SBF2: variants seen among roughly 807,000 people sequenced by gnomAD.
SBF2 encodes the protein myotubularin-related protein 13.
Under a neutral mutation model 225.2 loss-of-function variants are expected in SBF2, and 112 were observed. The observed-to-expected ratio is 0.50, with a 90% CI of 0.43 to 0.58. The LOEUF (loss-of-function observed/expected upper bound fraction) is 0.58. Among genes scored for constraint, SBF2 ranks in the 20% least tolerant of loss-of-function variants. SBF2 has a pLI of 0.00. For missense variants in SBF2, 1,996 were observed against 2,206.2 expected, an observed-to-expected ratio of 0.90 and a Z score of 1.91; for synonymous variants, 763 against 773.3, an observed-to-expected ratio of 0.99 and a Z score of 0.22.
chr11:10,197,140 T>C (rs991869386), intron 1 of SBF2, among the ~76,000 whole-genome samples: 5 of 152,088 alleles, frequency 3.3e-5, no homozygotes, highest in Non-Finnish European at 4.4e-5. Context: ...TCTGACAACA[T>C]TTCTTCCTTT....
chr11:10,129,635 ATCT>A (rs767159365), intron 2 of SBF2, among the ~76,000 whole-genome samples: 90 of 152,310 alleles, frequency 5.9e-4, no homozygotes, highest in Non-Finnish European at 9.8e-4. Flanking sequence ...TCAGTTTCTA[ATCT>A]TCTGGGAAGT....
intron 16 of SBF2, among the ~76,000 whole-genome samples, chr11:9,923,081 T>TC (rs1248415319): frequency 6.6e-6 from 1 of 152,100 alleles, no homozygotes; most frequent in Non-Finnish European, 1.5e-5. Context: ...GTGGATCCCC[T>TC]CCTCTTTCTT....
At position 9,790,552 on chromosome 11, in the gene SBF2, C is replaced by A. The variant is rs1852674569; in HGVS notation, c.4698+4G>T. 1.3e-6 allele frequency: 2 copies of A among 1,581,594 alleles called. No individual in the cohort carries two copies. Among genetic ancestry groups the A allele is most frequent in the East Asian group, 2.2e-5 (1 of 44,624 alleles). ...AGTGAAACATAAATGATTTCTTACT[C>A]TACCTCTATTTCCAATGGTGAATAT... On this transcript the variant is annotated splice_donor_region_variant and intron_variant, in intron 34 of 39. Coordinates refer to ENST00000256190, the MANE Select transcript of SBF2 (RefSeq NM_030962.4).
chr11:9,932,343 G>C (rs961921042), intron 16 of SBF2, among the ~76,000 whole-genome samples: 1 of 152,140 alleles, frequency 6.6e-6, no homozygotes, highest in Non-Finnish European at 1.5e-5. Context: ...ATTCATCAAG[G>C]TTGAAATGAA....
intron 2 of SBF2, among the ~76,000 whole-genome samples, chr11:10,111,661 A>G (rs1328879087): frequency 6.6e-6 from 1 of 152,254 alleles, no homozygotes; most frequent in Non-Finnish European, 1.5e-5. Context: ...AGATCACTTG[A>G]GATCAGGAGT....
chr11:9,904,405 AC>A (rs1314864462), intron 16 of SBF2, among the ~76,000 whole-genome samples: 1 of 152,224 alleles, frequency 6.6e-6, no homozygotes, highest in African/African-American at 2.4e-5. Flanking sequence ...GAAAGCTATA[AC>A]AATTTAAATG....
At position 10,169,339 on chromosome 11, in the gene SBF2, T is replaced by G. The variant is rs1438042384; in HGVS notation, c.141+24563A>C. 4.6e-5 allele frequency among the ~76,000 whole-genome samples: 7 copies of G among 152,168 alleles called. No homozygotes were observed. The East Asian group carries it at 1.2e-3, about 25-fold the overall frequency. ...CATTACCTCCTCTCCCCCGCCACAC[T>G]ACCCTTCCCAGCATCTGGTAACCAT... On this transcript the variant is annotated intron_variant, in intron 2 of 39. Coordinates refer to ENST00000256190, the MANE Select transcript of SBF2 (RefSeq NM_030962.4).
intron 1 of SBF2, among the ~76,000 whole-genome samples, chr11:10,245,515 T>A (rs1959698886): frequency 1.3e-5 from 2 of 152,124 alleles, no homozygotes; most frequent in African/African-American, 2.4e-5. Flanking sequence ...GGCAAGGATG[T>A]GGAGAAAAGT....
chr11:9,986,914 T>C (rs1446783393), intron 13 of SBF2, among the ~76,000 whole-genome samples: 1 of 152,168 alleles, frequency 6.6e-6, no homozygotes, highest in African/African-American at 2.4e-5. Context: ...GAACTCTCCC[T>C]AATTTATTCT....
chr11:9,809,312 A>G (rs1023618581), intron 30 of SBF2: 4 of 290,224 alleles, frequency 1.4e-5, no homozygotes, highest in Non-Finnish European at 2.0e-5. Context: ...TGAAAACAAC[A>G]ACAAAATGAC....
chr11:9,815,037 T>G (rs948419463), intron 29 of SBF2, among the ~76,000 whole-genome samples: 5 of 152,168 alleles, frequency 3.3e-5, no homozygotes, highest in African/African-American at 1.2e-4. Context: ...ATCAGACAGA[T>G]ACAGAGCCAT....
intron 16 of SBF2, among the ~76,000 whole-genome samples, chr11:9,939,100 T>A (rs1235177106): frequency 6.8e-6 from 1 of 147,002 alleles, no homozygotes; most frequent in Non-Finnish European, 1.5e-5. Flanking sequence ...ATTTTATTTA[T>A]TTTATTTTAC....
intron 21 of SBF2, among the ~76,000 whole-genome samples, chr11:9,852,050 T>C (rs1025691549): frequency 3.9e-5 from 6 of 152,222 alleles, no homozygotes; most frequent in East Asian, 1.9e-4. Flanking sequence ...GTTGGGATTA[T>C]AGGCGTGAGC....
intron 16 of SBF2, among the ~76,000 whole-genome samples, chr11:9,940,231 G>A (rs571644139): frequency 3.9e-5 from 6 of 152,170 alleles, no homozygotes; most frequent in South Asian, 2.1e-4. Context: ...GTGAAACCCC[G>A]TCTGTACTAA....
intron 16 of SBF2, among the ~76,000 whole-genome samples, chr11:9,900,044 T>TTA (rs1445085946): frequency 2.3e-4 from 32 of 140,444 alleles, no homozygotes; most frequent in African/African-American, 7.4e-4. Context: ...TTTTTTTTTT[T>TTA]AAAAAAAAAA....
At chr11:9,794,676 C>CAAAAGAAA (rs1852987949) in intron 33 of SBF2, among the ~76,000 whole-genome samples, 1 of 35,348 alleles carries the variant, frequency 2.8e-5, no homozygotes, top group Non-Finnish European at 4.8e-5. Flanking sequence ...GACTCCGTCT[C>CAAAAGAAA]AAAAAAAAAA....
At chr11:10,204,531 C>G (rs1957681759) in intron 1 of SBF2, among the ~76,000 whole-genome samples, 1 of 151,320 alleles carries the variant, frequency 6.6e-6, no homozygotes, top group Non-Finnish European at 1.5e-5. Flanking sequence ...CCCAGCTACT[C>G]AGGAGGCTGA....
intron 32 of SBF2, 74 bp from the exon 33 acceptor site, chr11:9,796,031 T>C: frequency 7.0e-7 from 1 of 1,428,284 alleles, no homozygotes; most frequent in Non-Finnish European, 9.8e-7. Flanking sequence ...ACTGAAGGCT[T>C]AACTGAAACA....
Position 10,241,330 on chromosome 11 carries a change from G to C in SBF2, c.56-47343C>G, listed in dbSNP as rs905816528. Reference sequence around the variant, plus strand: ...GATCATACCACTGCACTCTGGCCTGGGTAACAGAGCGAGACTGTCTCAAAA... The same window carrying C: ...GATCATACCACTGCACTCTGGCCTGCGTAACAGAGCGAGACTGTCTCAAAA... On this transcript the variant is annotated intron_variant, in intron 1 of 39. Coordinates refer to ENST00000256190, the MANE Select transcript of SBF2 (RefSeq NM_030962.4). 3.4e-5 allele frequency among the ~76,000 whole-genome samples: 5 copies of C among 145,610 alleles called. No homozygotes were observed. In the South Asian group the frequency reaches 1.0e-3, roughly 30 times the overall value.
Sources: gnomAD v4.1 joint callset for allele counts (sites outside exome capture counted in the v4.1 genomes callset) on GRCh38, gnomAD v4.1.1 for gene constraint, MANE v1.5 for transcripts, NCBI Gene and HGNC (gene_info 2026-07-23, HGNC 2026-07-21) for gene names.